The following SLC43A1 variants were observed in gnomAD, a reference collection of about 807,000 sequenced individuals.
The protein encoded by SLC43A1 is solute carrier family 43 member 1.
SLC43A1 carries 31 observed loss-of-function variants against 59.5 expected under a neutral mutation model. The observed-to-expected ratio is 0.52, with a 90% CI of 0.39 to 0.70. The LOEUF is 0.70. SLC43A1 is among the 30% of genes least tolerant of loss of function. The pLI is 0.00. For missense variants in SLC43A1, 598 were observed against 717.8 expected (o/e 0.83, Z 1.91); for synonymous variants, 259 against 290.9 (o/e 0.89, Z 1.12).
At chr11:57,488,493 C>T (rs1168920641) in intron 13 of SLC43A1, among the ~76,000 whole-genome samples, 1 of 152,162 alleles carries the variant, frequency 6.6e-6, no homozygotes, top group Non-Finnish European at 1.5e-5. Context: ...TTGTAATGTC[C>T]TGTTACTCCA....
chr11:57,512,111 A>T (rs958926382), intron 2 of SLC43A1, among the ~76,000 whole-genome samples: 1 of 152,206 alleles, frequency 6.6e-6, no homozygotes, highest in Non-Finnish European at 1.5e-5. Context: ...TTACATATTT[A>T]AAAATGCAGG....
intron 6 of SLC43A1, among the ~76,000 whole-genome samples, chr11:57,496,791 T>C (rs920435207): frequency 3.3e-5 from 5 of 152,208 alleles, no homozygotes; most frequent in Non-Finnish European, 5.9e-5. Context: ...CAGCCCTTCT[T>C]ATGGAAGAAG....
chr11:57,494,869 C>T (rs1256017792), intron 7 of SLC43A1, among the ~76,000 whole-genome samples: 15 of 148,494 alleles, frequency 1.0e-4, no homozygotes, highest in African/African-American at 2.0e-4. Flanking sequence ...TTTTTTGAGA[C>T]GGAGTTTTTG....
chr11:57,505,811 G>A (rs904756447), intron 2 of SLC43A1, among the ~76,000 whole-genome samples: 12 of 152,208 alleles, frequency 7.9e-5, no homozygotes, highest in East Asian at 5.8e-4. Context: ...TGGAAGAGCC[G>A]GGTTCAAATT....
At chr11:57,495,360 C>T (rs2135172201) in intron 7 of SLC43A1, among the ~76,000 whole-genome samples, 1 of 151,764 alleles carries the variant, frequency 6.6e-6, no homozygotes, top group African/African-American at 2.4e-5. Flanking sequence ...TGTGGTGGCG[C>T]GTGCCTGTAA....
chr11:57,510,318 CGTG>C (rs1944505016), intron 2 of SLC43A1, among the ~76,000 whole-genome samples: 1 of 151,652 alleles, frequency 6.6e-6, no homozygotes, highest in Non-Finnish European at 1.5e-5. Flanking sequence ...ATTAGCCGGG[CGTG>C]GTGGTGGACG....
Position 57,491,529 on chromosome 11 carries a change from C to A in SLC43A1, c.1054+62G>T, listed in dbSNP as rs148279036. On this transcript the variant is annotated intron_variant, in intron 10 of 14. Coordinates refer to ENST00000278426, the MANE Select transcript of SLC43A1 (RefSeq NM_003627.6). ...GGGCCCAGGCCTAGAGGAGTCCCGC[C>A]CCCTGAGAAGCGGGTTGCAGTGGGG... is the stretch of plus-strand genomic sequence containing the variant. 109 of 1,607,210 alleles carry A rather than the reference C, an allele frequency of 6.8e-5. No homozygotes were observed. The African/African-American group carries it at 1.4e-3, about 20-fold the overall frequency.
In SLC43A1 at chr11:57,494,062, G is replaced by A; in HGVS notation, c.802C>T (p.Leu268=). ...ATGAAGGCATCCGAACCGTCCTCCAGGCTGGGGGCCTTCTGGCTGAGCCTC... is the reference window on the plus strand; with the variant it reads ...ATGAAGGCATCCGAACCGTCCTCCAAGCTGGGGGCCTTCTGGCTGAGCCTC... ...GQRLSQKAPS[L]EDGSDAFMSP... Residue 268 remains leucine, a synonymous_variant, in exon 8 of 15, where the codon CTG becomes TTG. Coordinates refer to ENST00000278426, the MANE Select transcript of SLC43A1 (RefSeq NM_003627.6). 1 of 1,611,508 alleles carries A rather than the reference G, an allele frequency of 6.2e-7. No homozygotes were observed. The highest frequency in any genetic ancestry group is 8.5e-7 in the Non-Finnish European group (1 of 1,178,876).
intron 11 of SLC43A1, among the ~76,000 whole-genome samples, 153 bp downstream of exon 11, chr11:57,491,071 A>G (rs551535043): frequency 2.7e-4 from 41 of 152,332 alleles, no homozygotes; most frequent in African/African-American, 9.1e-4. Context: ...GTCCCTTCCT[A>G]GCCTCAGTTT....
intron 4 of SLC43A1, 36 bp from the exon 5 acceptor site, chr11:57,500,891 G>A (rs369139314): frequency 5.1e-5 from 82 of 1,611,966 alleles, no homozygotes; most frequent in Middle Eastern, 3.3e-4. Flanking sequence ...GGGCATTTGG[G>A]GAGCTGTGGG....
chr11:57,494,309 G>C (rs1445835755), intron 7 of SLC43A1, 138 bp from the exon 8 acceptor site: 1 of 740,968 alleles, frequency 1.3e-6, no homozygotes, highest in Non-Finnish European at 2.1e-6. Context: ...TCCTAATGCA[G>C]AGCTTCTGTT....
At chr11:57,500,241 A>T (rs1465905390) in intron 5 of SLC43A1, among the ~76,000 whole-genome samples, 1 of 152,164 alleles carries the variant, frequency 6.6e-6, no homozygotes, top group Non-Finnish European at 1.5e-5. Context: ...GTACACTCAC[A>T]AACACACCTA....
At chr11:57,495,950 A>G in intron 7 of SLC43A1, 81 bp downstream of exon 7, 1 of 1,509,532 alleles carries the variant, frequency 6.6e-7, no homozygotes, top group Non-Finnish European at 9.0e-7. Context: ...GGTCTCTCTG[A>G]ATCCAAAGTT....
Position 57,514,806 on chromosome 11 carries a change from T to A in SLC43A1, c.-14+638A>T. ...TCCGCAGGGCTCGGGGCACCAGGCT[T>A]TGCACCTCGGAACCCGCTTGCCCCC... On this transcript the variant is annotated intron_variant, in intron 1 of 14. Coordinates refer to ENST00000278426, the MANE Select transcript of SLC43A1 (RefSeq NM_003627.6). This position sits in a 1 kb window ranked among gnomAD's most constrained non-coding sequence, Gnocchi z 5.5. The A allele has an allele frequency of 1.0e-6, 1 of 985,296 alleles. No individual in the cohort carries two copies. Among genetic ancestry groups the A allele is most frequent in the Non-Finnish European group, 1.2e-6 (1 of 829,950 alleles). 61.0% of individuals were successfully genotyped at this position (985,296 alleles called of 1,614,324 possible).
chr11:57,513,818 A>C, intron 2 of SLC43A1, 140 bp downstream of exon 2: 1 of 689,074 alleles, frequency 1.5e-6, no homozygotes. Context: ...TCTCCCCCTG[A>C]AGTTTGAAGA....
chr11:57,502,099 G>A lies in SLC43A1; in HGVS notation c.155-770C>T, dbSNP rs143861305. ...GAGGACTTGTCCTTAACGGTAAACT[G>A]CCAACTTGGAGTTGTGACAAGTTAA... On this transcript the variant is annotated intron_variant, in intron 2 of 14. Coordinates refer to ENST00000278426, the MANE Select transcript of SLC43A1 (RefSeq NM_003627.6). 8.7e-4 allele frequency among the ~76,000 whole-genome samples: 132 copies of A among 152,350 alleles called. 1 individual carries two copies. Among genetic ancestry groups the A allele is most frequent in the African/African-American group, 2.9e-3 (120 of 41,582 alleles).
At chr11:57,486,798 G>A (rs1943744319) in intron 14 of SLC43A1, among the ~76,000 whole-genome samples, 1 of 151,808 alleles carries the variant, frequency 6.6e-6, no homozygotes, top group Non-Finnish European at 1.5e-5. Context: ...AACAGAATGA[G>A]ACTCCGTCTC....
At position 57,484,948 on chromosome 11, in the gene SLC43A1, C is replaced by G. The variant is rs938010883; in HGVS notation, c.*148G>C. 9.8e-7 allele frequency: 1 copy of G among 1,019,298 alleles called. No individual in the cohort carries two copies. The highest frequency in any genetic ancestry group is 1.4e-6 in the Non-Finnish European group (1 of 738,586). 63.1% of individuals were successfully genotyped at this position (1,019,298 alleles called of 1,614,324 possible). ...GGTTTTTTTTCCTCCTTTTTGCAGT[C>G]TTTACAAAAATAGAACTTCTCTTGG... On this transcript the variant is annotated 3_prime_UTR_variant, in exon 15 of 15. Coordinates refer to ENST00000278426, the MANE Select transcript of SLC43A1 (RefSeq NM_003627.6).
rs377637790 is a variant in SLC43A1 at position 57,491,690 on chromosome 11, C to T, written c.1018+26G>A. ...AGGGTGACCCGCCTGTGCCCCCAAC[C>T]CCCAGGGGCCTCAGCGGTGCCTCAC... On this transcript the variant is annotated intron_variant, in intron 9 of 14. Coordinates refer to ENST00000278426, the MANE Select transcript of SLC43A1 (RefSeq NM_003627.6). 9.2e-5 allele frequency: 148 copies of T among 1,614,210 alleles called. No homozygotes were observed. The African/African-American group carries it at 1.8e-3, about 19-fold the overall frequency.
Sources: gnomAD v4.1 joint callset for allele counts (sites outside exome capture counted in the v4.1 genomes callset) on GRCh38, gnomAD v4.1.1 for gene constraint, Gnocchi (gnomAD v3.1) non-coding constraint, MANE v1.5 for transcripts, NCBI Gene and HGNC (gene_info 2026-07-23, HGNC 2026-07-21) for gene names.